Variants in VIT observed in about 807,000 individuals in gnomAD.
The protein encoded by VIT is vitrin.
In VIT, 99 loss-of-function variants were observed where a neutral mutation model predicts 78.0. The ratio of observed to expected loss-of-function variants is 1.27; its 90% CI spans 1.08 to 1.50. VIT has a LOEUF of 1.50. Among genes scored for constraint, VIT ranks in the 40% most tolerant of loss-of-function variants. The pLI is 0.00. For missense variants in VIT, 1,126 were observed against 875.3 expected, an observed-to-expected ratio of 1.29 and a Z score of -3.61; for synonymous variants, 374 against 334.3, an observed-to-expected ratio of 1.12 and a Z score of -1.29.
intron 12 of VIT, among the ~76,000 whole-genome samples, chr2:36,800,535 C>T (rs1006726167): frequency 2.0e-5 from 3 of 152,128 alleles, no homozygotes; most frequent in Non-Finnish European, 4.4e-5. Flanking sequence ...AGGTCTCACG[C>T]CCACGAAGTC....
At chr2:36,721,655 C>T (rs1258468332) in intron 2 of VIT, among the ~76,000 whole-genome samples, 1 of 152,198 alleles carries the variant, frequency 6.6e-6, no homozygotes, top group Non-Finnish European at 1.5e-5. Flanking sequence ...CTCTTGCTCT[C>T]CTCCCCTGCT....
chr2:36,709,461 C>G (rs1280511173), intron 1 of VIT, among the ~76,000 whole-genome samples: 2 of 152,206 alleles, frequency 1.3e-5, no homozygotes, highest in Non-Finnish European at 2.9e-5. Context: ...AGTTATGATG[C>G]ATGCATGCCA....
chr2:36,700,896 C>T (rs1270510891), intron 1 of VIT, among the ~76,000 whole-genome samples: 4 of 151,904 alleles, frequency 2.6e-5, no homozygotes, highest in Non-Finnish European at 5.9e-5. Flanking sequence ...ATGAAAAAAA[C>T]GAAGGCACTG....
chr2:36,779,171 G>A (rs1298196931), intron 9 of VIT, among the ~76,000 whole-genome samples: 3 of 152,200 alleles, frequency 2.0e-5, no homozygotes, highest in East Asian at 1.9e-4. Flanking sequence ...AGTACCCCGA[G>A]GTGCTGAAGC....
rs564488838 is a variant in VIT, at chr2:36,786,871, C to G, written c.911-258C>G. On this transcript the variant is annotated intron_variant, in intron 11 of 15. Coordinates refer to ENST00000379242, the MANE Select transcript of VIT (RefSeq NM_053276.4). ...CCCTAGCTTGGCTAGGACGTCGCTG[C>G]TTCTGAAACCCATAATTGTGGCAGA... is the stretch of plus-strand genomic sequence containing the variant. Among the ~76,000 whole-genome samples, 6 of 152,340 alleles carry G rather than the reference C, an allele frequency of 3.9e-5. No individual in the cohort carries two copies. The East Asian group carries it at 1.2e-3, about 29-fold the overall frequency.
intron 2 of VIT, among the ~76,000 whole-genome samples, chr2:36,721,295 G>A (rs1209163714): frequency 6.6e-6 from 1 of 152,060 alleles, no homozygotes; most frequent in East Asian, 1.9e-4. Flanking sequence ...AAGCTGGGGG[G>A]AATAATAAAT....
At chr2:36,806,179 A>C (rs1308652101) in intron 14 of VIT, among the ~76,000 whole-genome samples, 1 of 152,086 alleles carries the variant, frequency 6.6e-6, no homozygotes, top group East Asian at 1.9e-4. Context: ...TGCCTCCCTC[A>C]CTCACTCCAC....
intron 12 of VIT, among the ~76,000 whole-genome samples, chr2:36,793,545 A>C (rs1466509172): frequency 2.0e-5 from 3 of 152,236 alleles, no homozygotes; most frequent in Non-Finnish European, 4.4e-5. Context: ...AATACCCTCA[A>C]GGGACAAGTC....
At chr2:36,766,337 T>G (rs1669426010) in intron 6 of VIT, among the ~76,000 whole-genome samples, 2 of 151,582 alleles carry the variant, frequency 1.3e-5, no homozygotes, top group Admixed American at 6.6e-5. Flanking sequence ...AAGATCAGCC[T>G]AGGCAACACA....
At chr2:36,732,724 GAAGA>G (rs376577310) in intron 3 of VIT, among the ~76,000 whole-genome samples, 89 of 152,282 alleles carry the variant, frequency 5.8e-4, no homozygotes, top group African/African-American at 2.0e-3. Context: ...ATCAAAGGTG[GAAGA>G]AAGACAAGTC....
intron 2 of VIT, among the ~76,000 whole-genome samples, chr2:36,717,376 G>C (rs1666227117): frequency 6.8e-6 from 1 of 146,634 alleles, no homozygotes; most frequent in Admixed American, 6.8e-5. Flanking sequence ...GTGTGTGTGT[G>C]TGTGTGTGTG....
intron 3 of VIT, among the ~76,000 whole-genome samples, chr2:36,738,649 G>A (rs1667652338): frequency 1.3e-5 from 2 of 152,152 alleles, no homozygotes; most frequent in South Asian, 2.1e-4. Flanking sequence ...GAATGAAGAT[G>A]TTAACTGGAA....
At chr2:36,724,606 G>C (rs1666723364) in intron 2 of VIT, among the ~76,000 whole-genome samples, 1 of 152,190 alleles carries the variant, frequency 6.6e-6, no homozygotes, top group African/African-American at 2.4e-5. Flanking sequence ...TGGAGGAATG[G>C]TTTCTGAGGA....
intron 4 of VIT, among the ~76,000 whole-genome samples, chr2:36,752,772 G>A (rs542968289): frequency 1.3e-5 from 2 of 152,326 alleles, no homozygotes; most frequent in East Asian, 3.9e-4. Flanking sequence ...GTGTGAATTA[G>A]TTCAACCATT....
rs746344702 is a variant in VIT at position 36,814,281 on chromosome 2, G to A, written c.2002G>A (p.Glu668Lys). ...PARDHSFFVD[E>K]FDNLHQYVPR... ...CAGAGACCACTCCTTCTTTGTGGAC[G>A]AGTTTGACAACCTCCATCAGTATGT... The change falls in exon 16 of 16, where the codon GAG becomes AAG. Residue 668 changes from glutamate to lysine, a missense_variant. Transcript: ENST00000379242. The A allele has an allele frequency of 8.7e-6, 14 of 1,614,062 alleles. No individual in the cohort carries two copies. In the East Asian group the frequency reaches 8.9e-5, roughly 10 times the overall value.
chr2:36,763,268 T>G (rs926458036), intron 6 of VIT, among the ~76,000 whole-genome samples: 3 of 152,042 alleles, frequency 2.0e-5, no homozygotes, highest in Non-Finnish European at 4.4e-5. Flanking sequence ...GAGCCAGGTG[T>G]GGGGAGTGGT....
At chr2:36,750,640 G>C (rs111463746) in intron 4 of VIT, among the ~76,000 whole-genome samples, 3,046 of 151,986 alleles carry the variant, frequency 0.02, 72 homozygotes, top group East Asian at 0.082. Flanking sequence ...GGCCAACATG[G>C]TGAAACCCCG....
intron 5 of VIT, among the ~76,000 whole-genome samples, chr2:36,757,014 G>A (rs1052215315): frequency 2.0e-5 from 3 of 152,110 alleles, no homozygotes; most frequent in East Asian, 1.9e-4. Flanking sequence ...ACAGTTAACC[G>A]AAAATACTTT....
chr2:36,780,095 C>G (rs1195872922), intron 9 of VIT, among the ~76,000 whole-genome samples: 2 of 152,204 alleles, frequency 1.3e-5, no homozygotes, highest in African/African-American at 4.8e-5. Flanking sequence ...CCAAAAAACA[C>G]CAAGTCTCAG....
Sources: allele counts gnomAD v4.1 joint callset (sites outside exome capture counted in the v4.1 genomes callset), GRCh38; gene constraint gnomAD v4.1.1; transcripts MANE v1.5; gene names NCBI Gene and HGNC (gene_info 2026-07-23, HGNC 2026-07-21).